MAN1A2: variants seen among roughly 807,000 people sequenced by gnomAD.
MAN1A2 encodes the protein mannosyl-oligosaccharide 1,2-alpha-mannosidase IB.
In MAN1A2, 26 loss-of-function variants were observed where a neutral mutation model predicts 75.7. That is an observed-to-expected ratio of 0.34 (90% CI 0.25 to 0.48). The LOEUF (loss-of-function observed/expected upper bound fraction) is 0.48, where lower values mean the gene tolerates loss of function less well. Among genes scored for constraint, MAN1A2 ranks in the 20% least tolerant of loss-of-function variants. The pLI, the probability that MAN1A2 is intolerant of heterozygous loss-of-function variation, is 0.99. For missense variants in MAN1A2, 562 were observed against 775.5 expected (o/e 0.72, Z 3.27); for synonymous variants, 247 against 264.6 (o/e 0.93, Z 0.65).
At chr1:117,504,675 G>A (rs1404311718) in intron 12 of MAN1A2, among the ~76,000 whole-genome samples, 1 of 151,402 alleles carries the variant, frequency 6.6e-6, no homozygotes, top group African/African-American at 2.4e-5. Context: ...TCAGGATCCA[G>A]TATGGGATCA....
intron 3 of MAN1A2, 49 bp from the exon 4 acceptor site, chr1:117,414,664 G>A (rs750102684): frequency 4.5e-6 from 4 of 889,910 alleles, no homozygotes; most frequent in South Asian, 1.4e-5. Context: ...AAGAGAACAG[G>A]AACCTAAAGG....
At chr1:117,407,349 C>G (rs1324753797) in intron 3 of MAN1A2, among the ~76,000 whole-genome samples, 2 of 151,820 alleles carry the variant, frequency 1.3e-5, no homozygotes, top group African/African-American at 4.8e-5. Flanking sequence ...AAATTCTTGC[C>G]AGTAAGTACA....
intron 5 of MAN1A2, among the ~76,000 whole-genome samples, chr1:117,426,735 G>A (rs1005394879): frequency 6.6e-6 from 1 of 152,128 alleles, no homozygotes; most frequent in Non-Finnish European, 1.5e-5. Context: ...TCATACCATT[G>A]TAAAGTTGAA....
intron 12 of MAN1A2, among the ~76,000 whole-genome samples, chr1:117,506,970 T>TA (rs1320221944): frequency 6.6e-6 from 1 of 151,682 alleles, no homozygotes; most frequent in Non-Finnish European, 1.5e-5. Flanking sequence ...GTTAGTGCCT[T>TA]ACTTTTAAAT....
intron 1 of MAN1A2, among the ~76,000 whole-genome samples, chr1:117,380,526 TGTTGA>T (rs1456527199): frequency 6.6e-6 from 1 of 152,190 alleles, no homozygotes; most frequent in Non-Finnish European, 1.5e-5. Context: ...TGTTGATTCA[TGTTGA>T]GTTAATTTTT....
At chr1:117,417,710 T>A (rs61805765) in intron 4 of MAN1A2, among the ~76,000 whole-genome samples, 37,594 of 117,654 alleles carry the variant, frequency 0.32, 5,208 homozygotes, top group African/African-American at 0.38. Flanking sequence ...ACACACACTC[T>A]CTCTCTCTCT....
intron 8 of MAN1A2, among the ~76,000 whole-genome samples, chr1:117,483,167 T>G (rs1650554155): frequency 6.6e-6 from 1 of 152,134 alleles, no homozygotes; most frequent in Non-Finnish European, 1.5e-5. Context: ...TGAAGTCAGG[T>G]AGCGTGATGT....
intron 1 of MAN1A2, among the ~76,000 whole-genome samples, chr1:117,385,444 C>G (rs1014132415): frequency 9.9e-5 from 15 of 150,904 alleles, no homozygotes; most frequent in African/African-American, 3.4e-4. Context: ...GGTTGACTGC[C>G]TTCCTGCATT....
At chr1:117,388,267 T>G (rs1653607107) in intron 1 of MAN1A2, among the ~76,000 whole-genome samples, 1 of 152,142 alleles carries the variant, frequency 6.6e-6, no homozygotes, top group Non-Finnish European at 1.5e-5. Context: ...TGAGAAATTA[T>G]CTATAATAAC....
intron 6 of MAN1A2, among the ~76,000 whole-genome samples, chr1:117,443,214 T>C (rs971198529): frequency 6.6e-6 from 1 of 152,234 alleles, no homozygotes; most frequent in Non-Finnish European, 1.5e-5. Context: ...GACTCGACTT[T>C]AGTAAAATTT....
Position 117,523,144 on chromosome 1 carries a change from C to G in MAN1A2, c.*187C>G. 9.9e-6 allele frequency: 7 copies of G among 704,886 alleles called. No individual in the cohort carries two copies. In the South Asian group the frequency reaches 1.1e-4, roughly 11 times the overall value. 43.7% of individuals were successfully genotyped at this position (704,886 alleles called of 1,614,324 possible). A position where few individuals can be genotyped will look rare whatever the true frequency, so the allele number is the denominator to read the frequency against. On this transcript the variant is annotated 3_prime_UTR_variant, in exon 13 of 13. Transcript: ENST00000356554. ...TGAAATTATTCCATTTTATACCTGA[C>G]CAAAACATGTTCTGATATGTGTAGG...
At chr1:117,508,556 A>G (rs1275412502) in intron 12 of MAN1A2, among the ~76,000 whole-genome samples, 1 of 151,622 alleles carries the variant, frequency 6.6e-6, no homozygotes, top group Non-Finnish European at 1.5e-5. Context: ...TATATACTTA[A>G]GAATAAGTAA....
At chr1:117,378,120 A>G (rs1653216026) in intron 1 of MAN1A2, among the ~76,000 whole-genome samples, 1 of 152,148 alleles carries the variant, frequency 6.6e-6, no homozygotes, top group Non-Finnish European at 1.5e-5. Flanking sequence ...AAATAAATAA[A>G]TAAATAAATA....
chr1:117,503,049 T>A, intron 12 of MAN1A2, 79 bp downstream of exon 12: 1 of 678,704 alleles, frequency 1.5e-6, no homozygotes, highest in East Asian at 3.0e-5. Context: ...ATTACAACTA[T>A]GTGACAGGTT....
chr1:117,448,196 C>G (rs1570752178), intron 6 of MAN1A2, among the ~76,000 whole-genome samples: 1 of 152,052 alleles, frequency 6.6e-6, no homozygotes, highest in Admixed American at 6.6e-5. Context: ...TGAACGGGAG[C>G]TTATTAATGA....
At chr1:117,458,497 C>A (rs6690876) in intron 6 of MAN1A2, among the ~76,000 whole-genome samples, 59,683 of 102,006 alleles carry the variant, frequency 0.59, 15,655 homozygotes, top group Middle Eastern at 0.71. Flanking sequence ...ATATATATAT[C>A]TATATATATA....
chr1:117,480,155 T>C (rs1036973831), intron 8 of MAN1A2, among the ~76,000 whole-genome samples: 2 of 151,930 alleles, frequency 1.3e-5, no homozygotes, highest in African/African-American at 4.8e-5. Context: ...AGTACTCTGC[T>C]TAATACTCAA....
At chr1:117,393,486 TTG>T (rs1036203445) in intron 1 of MAN1A2, among the ~76,000 whole-genome samples, 13 of 151,448 alleles carry the variant, frequency 8.6e-5, no homozygotes, top group South Asian at 2.1e-4. Flanking sequence ...ATTTTTTTTT[TTG>T]TGTGTGTGTG....
At chr1:117,457,982 A>G (rs1403635363) in intron 6 of MAN1A2, among the ~76,000 whole-genome samples, 1 of 152,042 alleles carries the variant, frequency 6.6e-6, no homozygotes, top group East Asian at 1.9e-4. Context: ...TCTTCCAGAT[A>G]TTTTCATTAG....
Sources: allele counts gnomAD v4.1 joint callset (sites outside exome capture counted in the v4.1 genomes callset), GRCh38; gene constraint gnomAD v4.1.1; transcripts MANE v1.5; gene names NCBI Gene and HGNC (gene_info 2026-07-23, HGNC 2026-07-21).